Variants in L3MBTL4 observed in about 807,000 individuals in gnomAD.
The protein encoded by L3MBTL4 is lethal(3)malignant brain tumor-like protein 4.
L3MBTL4 carries 70 observed loss-of-function variants against 84.5 expected under a neutral mutation model. That is an observed-to-expected ratio of 0.83 (90% CI 0.68 to 1.01). The LOEUF is 1.01. L3MBTL4 is among the 50% of genes least tolerant of loss of function. The probability of loss-of-function intolerance (pLI) is 0.00; values close to 1 mark genes in which losing one functional copy is unlikely to be tolerated. For missense variants in L3MBTL4, 715 were observed against 754.8 expected (o/e 0.95, Z 0.62); for synonymous variants, 274 against 259.8 (o/e 1.05, Z -0.52).
intron 5 of L3MBTL4, among the ~76,000 whole-genome samples, chr18:6,258,391 C>T (rs922487706): frequency 5.3e-5 from 8 of 152,252 alleles, no homozygotes; most frequent in South Asian, 2.1e-4. Flanking sequence ...GCAGTGAATA[C>T]GCATTAGTCA....
chr18:5,967,195 C>T (rs759738009), intron 17 of L3MBTL4, among the ~76,000 whole-genome samples: 6 of 152,218 alleles, frequency 3.9e-5, no homozygotes, highest in Non-Finnish European at 8.8e-5. Flanking sequence ...GCCCATCTCC[C>T]GGTCCTGGGT....
rs557251752 is a variant in L3MBTL4 at position 6,129,370 on chromosome 18, G to C, written c.1199+8824C>G. On this transcript the variant is annotated intron_variant, in intron 14 of 18. Transcript: ENST00000317931. ...TTAACAATTTACTGGAATTCTCTCT[G>C]TGTGTGTGTGTGTGTGTGTGTGTGT... is the stretch of plus-strand genomic sequence containing the variant. Among the ~76,000 whole-genome samples, 869 of 121,562 alleles carry C rather than the reference G, an allele frequency of 7.1e-3. 2 individuals are homozygous for C. The highest frequency in any genetic ancestry group is 0.022 in the Middle Eastern group (5 of 232). The allele number at this position is 121,562 out of a possible 152,430, so 79.7% of individuals were successfully genotyped here.
chr18:6,376,603 T>C (rs767481911), intron 1 of L3MBTL4, among the ~76,000 whole-genome samples: 3 of 152,050 alleles, frequency 2.0e-5, no homozygotes, highest in Admixed American at 6.5e-5. Context: ...CTGAGTGTGG[T>C]GGTGTGTACC....
intron 5 of L3MBTL4, among the ~76,000 whole-genome samples, chr18:6,246,818 C>G (rs188194426): frequency 6.6e-6 from 1 of 152,050 alleles, no homozygotes; most frequent in East Asian, 1.9e-4. Flanking sequence ...GCAGGAGAAT[C>G]GCTTGAACCC....
rs187961442 is a variant in L3MBTL4 at position 6,193,599 on chromosome 18, G to A, written c.981+19550C>T. Among the ~76,000 whole-genome samples the A allele has an allele frequency of 1.2e-4, 19 of 152,318 alleles. No homozygotes were observed. In the South Asian group the frequency reaches 3.3e-3, roughly 27 times the overall value. On this transcript the variant is annotated intron_variant, in intron 12 of 18. Transcript: ENST00000317931. ...GAGCCGGGACGGGGCAGAGTTGAAC[G>A]GTGACCTTGCAGTCTGGGCTTCTTG...
At chr18:6,035,915 TA>T (rs1321406821) in intron 16 of L3MBTL4, among the ~76,000 whole-genome samples, 1 of 152,190 alleles carries the variant, frequency 6.6e-6, no homozygotes, top group African/African-American at 2.4e-5. Flanking sequence ...ATTCAAAAGC[TA>T]GCAGAAGGCA....
intron 13 of L3MBTL4, among the ~76,000 whole-genome samples, chr18:6,158,754 C>T (rs1325260270): frequency 1.3e-5 from 2 of 152,150 alleles, no homozygotes; most frequent in Admixed American, 6.5e-5. Context: ...TTAATGAGCC[C>T]AAGGCTGTAC....
At chr18:6,187,497 G>A (rs771836473) in intron 12 of L3MBTL4, among the ~76,000 whole-genome samples, 14 of 152,056 alleles carry the variant, frequency 9.2e-5, no homozygotes, top group Admixed American at 7.2e-4. Flanking sequence ...AATGCATGTT[G>A]CTTCTGAGGA....
intron 11 of L3MBTL4, among the ~76,000 whole-genome samples, chr18:6,213,849 G>T (rs1264570305): frequency 6.6e-6 from 1 of 152,178 alleles, no homozygotes; most frequent in African/African-American, 2.4e-5. Context: ...TCATAAATTT[G>T]TTAATGATTA....
intron 4 of L3MBTL4, among the ~76,000 whole-genome samples, chr18:6,295,597 C>T (rs1599526911): frequency 6.6e-6 from 1 of 151,850 alleles, no homozygotes; most frequent in Non-Finnish European, 1.5e-5. Flanking sequence ...GTATCAAGAG[C>T]AAAGAAATTA....
At chr18:6,135,573 C>T (rs1440703135) in intron 14 of L3MBTL4, among the ~76,000 whole-genome samples, 3 of 152,186 alleles carry the variant, frequency 2.0e-5, no homozygotes, top group Non-Finnish European at 2.9e-5. Flanking sequence ...TTCAAAGTTC[C>T]ACAAATCTCT....
intron 18 of L3MBTL4, 68 bp from the exon 19 acceptor site, chr18:5,956,455 A>ACTT (rs2095227520): frequency 6.7e-7 from 1 of 1,493,056 alleles, no homozygotes. Flanking sequence ...CACCAGTAAC[A>ACTT]CTTTGGTTCT....
chr18:6,128,549 G>A (rs916761045), intron 14 of L3MBTL4, among the ~76,000 whole-genome samples: 37 of 152,188 alleles, frequency 2.4e-4, no homozygotes, highest in African/African-American at 8.9e-4. Context: ...AAATTTGAAC[G>A]AAAGCAGACT....
intron 4 of L3MBTL4, among the ~76,000 whole-genome samples, chr18:6,295,197 G>A (rs893050232): frequency 2.0e-5 from 3 of 151,766 alleles, no homozygotes; most frequent in Non-Finnish European, 2.9e-5. Flanking sequence ...GTTTGAACCT[G>A]GGAGGCGGAA....
intron 1 of L3MBTL4, among the ~76,000 whole-genome samples, chr18:6,380,412 G>T (rs2054549913): frequency 6.6e-6 from 1 of 152,116 alleles, no homozygotes; most frequent in African/African-American, 2.4e-5. Flanking sequence ...TGATGTTAGG[G>T]TGTCAATTTT....
intron 14 of L3MBTL4, among the ~76,000 whole-genome samples, chr18:6,119,489 C>T (rs2059460252): frequency 6.6e-6 from 1 of 151,894 alleles, no homozygotes; most frequent in African/African-American, 2.4e-5. Flanking sequence ...CTTAGATAAA[C>T]GTGTGGGTGG....
At position 5,973,358 on chromosome 18, in the gene L3MBTL4, G is replaced by A. The variant is rs377369472; in HGVS notation, c.1445-3796C>T. Among the ~76,000 whole-genome samples the A allele has an allele frequency of 7.2e-4, 110 of 152,342 alleles. 1 individual carries two copies. Among genetic ancestry groups the A allele is most frequent in the African/African-American group, 2.3e-3 (95 of 41,590 alleles). ...AGCCTGTTGCCGATGTGTGGCAACC[G>A]TGTCAGATGCTAAAATGCTCTTGGC... On this transcript the variant is annotated intron_variant, in intron 16 of 18. Transcript: ENST00000317931.
chr18:6,260,483 T>A (rs1300296470), intron 5 of L3MBTL4: 1 of 152,226 alleles, frequency 6.6e-6, no homozygotes, highest in African/African-American at 2.4e-5. Flanking sequence ...GTAGTTCTCC[T>A]TGAAAAGATC....
At chr18:6,025,341 A>G (rs2055452163) in intron 16 of L3MBTL4, 1 of 152,240 alleles carries the variant, frequency 6.6e-6, no homozygotes. Context: ...CAGACAGGGC[A>G]TCCACTGGCC....
Sources: allele counts gnomAD v4.1 joint callset (sites outside exome capture counted in the v4.1 genomes callset), GRCh38; gene constraint gnomAD v4.1.1; transcripts MANE v1.5; gene names NCBI Gene and HGNC (gene_info 2026-07-23, HGNC 2026-07-21).